CDH9: variants seen among roughly 807,000 people sequenced by gnomAD.
The protein encoded by CDH9 is cadherin 9.
In CDH9, 28 loss-of-function variants were observed where a neutral mutation model predicts 70.9. That is an observed-to-expected ratio of 0.40 (90% confidence interval 0.29 to 0.54). CDH9 has a LOEUF of 0.54. Ranked by LOEUF, CDH9 falls within the 20% of genes least tolerant of loss-of-function variation. The probability of loss-of-function intolerance (pLI) is 0.59; values close to 1 mark genes in which losing one functional copy is unlikely to be tolerated. For synonymous variants in CDH9, 409 were observed against 343.1 expected (o/e 1.19, Z -2.12); for missense variants, 874 against 984.4 (o/e 0.89, Z 1.50).
At chr5:26,968,751 C>G (rs1030204402) in intron 2 of CDH9, among the ~76,000 whole-genome samples, 2 of 151,062 alleles carry the variant, frequency 1.3e-5, no homozygotes, top group Non-Finnish European at 2.9e-5. Flanking sequence ...TTCTAGAATT[C>G]AAAGAGGGAG....
At chr5:26,955,144 CTTCTT>C (rs1315968121) in intron 2 of CDH9, among the ~76,000 whole-genome samples, 2 of 152,222 alleles carry the variant, frequency 1.3e-5, no homozygotes, top group Non-Finnish European at 1.5e-5. Context: ...TTTCTCAACT[CTTCTT>C]TTCCAGTTTT....
chr5:26,884,649 C>T (rs543243812), intron 11 of CDH9, among the ~76,000 whole-genome samples: 2 of 152,146 alleles, frequency 1.3e-5, no homozygotes, highest in African/African-American at 4.8e-5. Context: ...CAATCCCCTA[C>T]TGAAGTCCTG....
At chr5:26,959,644 A>G (rs1189307540) in intron 2 of CDH9, among the ~76,000 whole-genome samples, 3 of 152,108 alleles carry the variant, frequency 2.0e-5, no homozygotes, top group Admixed American at 6.6e-5. Context: ...GCAATGTATC[A>G]ATTTATACAA....
At chr5:26,899,986 A>C (rs755919279) in intron 7 of CDH9, among the ~76,000 whole-genome samples, 32 of 152,178 alleles carry the variant, frequency 2.1e-4, no homozygotes, top group Non-Finnish European at 4.4e-4. Context: ...AAAGTAGATA[A>C]AAGTTAACAA....
rs780089866 is a variant in CDH9, at chr5:26,881,178, T to C, written c.2328A>G (p.Lys776=). Residue 776 remains lysine, a synonymous_variant, in exon 12 of 12, where the codon AAA becomes AAG. Transcript: ENST00000231021. ...YLSDWGPRFK[K]LADMYGGDDS... is the part of the protein sequence containing the mutation. Reference sequence around the variant, plus strand: ...CATCACCCCCATACATATCGGCAAGTTTTTTGAAACGAGGCCCCCAGTCAC... The same window carrying C: ...CATCACCCCCATACATATCGGCAAGCTTTTTGAAACGAGGCCCCCAGTCAC... 8.1e-6 allele frequency: 13 copies of C among 1,612,830 alleles called. No homozygotes were observed. The South Asian group carries it at 1.3e-4, about 16-fold the overall frequency.
At chr5:26,886,573 TTGTC>T (rs1740570607) in intron 9 of CDH9, among the ~76,000 whole-genome samples, 1 of 151,984 alleles carries the variant, frequency 6.6e-6, no homozygotes, top group Non-Finnish European at 1.5e-5. Flanking sequence ...ATAAATAAAT[TTGTC>T]TGTACTATCA....
intron 2 of CDH9, among the ~76,000 whole-genome samples, chr5:26,974,432 G>A (rs1742271214): frequency 1.3e-5 from 2 of 151,908 alleles, no homozygotes; most frequent in African/African-American, 2.4e-5. Flanking sequence ...CTCCTATCTT[G>A]TGTTTAATCA....
chr5:26,944,224 T>C (rs1416962732), intron 2 of CDH9, among the ~76,000 whole-genome samples: 1 of 129,170 alleles, frequency 7.7e-6, no homozygotes, highest in Admixed American at 9.4e-5. Context: ...TATATCTCAC[T>C]GATTTTCCAT....
intron 1 of CDH9, among the ~76,000 whole-genome samples, chr5:26,990,938 T>G (rs1386429418): frequency 6.6e-6 from 1 of 152,174 alleles, no homozygotes; most frequent in Non-Finnish European, 1.5e-5. Flanking sequence ...TAATCTAGTT[T>G]TATGAGATGG....
chr5:26,948,941 T>C (rs1233163778), intron 2 of CDH9, among the ~76,000 whole-genome samples: 1 of 152,202 alleles, frequency 6.6e-6, no homozygotes, highest in Non-Finnish European at 1.5e-5. Flanking sequence ...TATTAACCAA[T>C]GCTCCATTTT....
chr5:26,990,684 C>T (rs746439497), intron 1 of CDH9, among the ~76,000 whole-genome samples: 1 of 152,118 alleles, frequency 6.6e-6, no homozygotes, highest in Non-Finnish European at 1.5e-5. Context: ...CTGAGTGATG[C>T]TGTAGTGGAA....
intron 2 of CDH9, among the ~76,000 whole-genome samples, chr5:26,933,688 C>T (rs888077051): frequency 9.2e-5 from 14 of 151,700 alleles, no homozygotes; most frequent in African/African-American, 3.4e-4. Flanking sequence ...GCAGGAGAAT[C>T]GCTTGAACCC....
At chr5:26,892,832 G>A (rs1740683677) in intron 7 of CDH9, among the ~76,000 whole-genome samples, 1 of 151,974 alleles carries the variant, frequency 6.6e-6, no homozygotes, top group Non-Finnish European at 1.5e-5. Context: ...CCAGGTTTCC[G>A]CCATTCTCCT....
intron 1 of CDH9, among the ~76,000 whole-genome samples, chr5:26,995,646 T>C (rs1483753231): frequency 6.6e-6 from 1 of 152,150 alleles, no homozygotes; most frequent in Non-Finnish European, 1.5e-5. Flanking sequence ...CAAAAGGATT[T>C]TCTGTTGCAT....
intron 1 of CDH9, among the ~76,000 whole-genome samples, chr5:27,011,203 T>A (rs1742949439): frequency 6.6e-6 from 1 of 152,106 alleles, no homozygotes; most frequent in Non-Finnish European, 1.5e-5. Flanking sequence ...AATATGAACA[T>A]GTTATTTATA....
intron 1 of CDH9, among the ~76,000 whole-genome samples, chr5:27,030,821 A>G (rs1743298693): frequency 6.6e-6 from 1 of 151,860 alleles, no homozygotes; most frequent in Non-Finnish European, 1.5e-5. Flanking sequence ...AACACTCAGC[A>G]CATGAATCTA....
chr5:26,897,029 T>C (rs1740764460), intron 7 of CDH9, among the ~76,000 whole-genome samples: 1 of 151,952 alleles, frequency 6.6e-6, no homozygotes, highest in Non-Finnish European at 1.5e-5. Context: ...CATTAGAGAA[T>C]ACTATAAAAA....
At chr5:26,939,379 A>C (rs1741619631) in intron 2 of CDH9, among the ~76,000 whole-genome samples, 1 of 151,838 alleles carries the variant, frequency 6.6e-6, no homozygotes, top group African/African-American at 2.4e-5. Context: ...TCACAAAAGA[A>C]ATTATAAATA....
At chr5:26,901,367 T>C (rs1311305107) in intron 7 of CDH9, among the ~76,000 whole-genome samples, 1 of 151,946 alleles carries the variant, frequency 6.6e-6, no homozygotes, top group Non-Finnish European at 1.5e-5. Flanking sequence ...TTGGATTTTA[T>C]GGACTGTTTC....
Sources: gnomAD v4.1 joint callset for allele counts (sites outside exome capture counted in the v4.1 genomes callset) on GRCh38, gnomAD v4.1.1 for gene constraint, MANE v1.5 for transcripts, NCBI Gene and HGNC (gene_info 2026-07-23, HGNC 2026-07-21) for gene names.